GPC5: variants seen among roughly 807,000 people sequenced by gnomAD.
GPC5 encodes the protein glypican 5, also known as glypican-5.
GPC5 carries 47 observed loss-of-function variants against 53.9 expected under a neutral mutation model. The ratio of observed to expected loss-of-function variants is 0.87; its 90% CI spans 0.69 to 1.11. The LOEUF is 1.11. Ranked by LOEUF, GPC5 falls within the 50% of genes most tolerant of loss-of-function variation. The probability of loss-of-function intolerance (pLI) is 0.00; values close to 1 mark genes in which losing one functional copy is unlikely to be tolerated. For missense variants in GPC5, 748 were observed against 713.1 expected (o/e 1.05, Z -0.56); for synonymous variants, 286 against 263.3 (o/e 1.09, Z -0.84).
At chr13:92,436,476 T>C (rs1877309863) in intron 7 of GPC5, among the ~76,000 whole-genome samples, 1 of 152,142 alleles carries the variant, frequency 6.6e-6, no homozygotes, top group Non-Finnish European at 1.5e-5. Flanking sequence ...ATATGCAAAA[T>C]CTCAGCTCTT....
intron 7 of GPC5, among the ~76,000 whole-genome samples, chr13:92,174,384 A>AAT (rs2042093534): frequency 6.7e-6 from 1 of 149,618 alleles, no homozygotes; most frequent in African/African-American, 2.5e-5. Flanking sequence ...AAACAAAAAA[A>AAT]AATGGCCGGG....
chr13:92,312,738 A>C (rs1159138461), intron 7 of GPC5, among the ~76,000 whole-genome samples: 1 of 152,156 alleles, frequency 6.6e-6, no homozygotes, highest in East Asian at 1.9e-4. Flanking sequence ...CTGTGAGTGT[A>C]ATTTTATCTT....
intron 2 of GPC5, among the ~76,000 whole-genome samples, chr13:91,581,416 G>T (rs983850959): frequency 6.6e-6 from 1 of 152,090 alleles, no homozygotes; most frequent in Non-Finnish European, 1.5e-5. Flanking sequence ...ATCTGACTTT[G>T]TCCCCCAGTT....
chr13:91,882,413 C>T (rs565807394), intron 5 of GPC5, among the ~76,000 whole-genome samples: 2 of 152,002 alleles, frequency 1.3e-5, no homozygotes, highest in African/African-American at 2.4e-5. Flanking sequence ...TTAAATGTGA[C>T]ATTCATTTAG....
chr13:92,294,531 G>T (rs1037194600), intron 7 of GPC5, among the ~76,000 whole-genome samples: 2 of 152,092 alleles, frequency 1.3e-5, no homozygotes, highest in Non-Finnish European at 2.9e-5. Context: ...TATTTCTGTG[G>T]TGTCAGTTGT....
At chr13:91,609,881 T>G (rs1218962951) in intron 2 of GPC5, among the ~76,000 whole-genome samples, 2 of 152,206 alleles carry the variant, frequency 1.3e-5, no homozygotes, top group Non-Finnish European at 2.9e-5. Flanking sequence ...TATCAGTACA[T>G]TCGGCCTGAG....
Position 91,576,735 on chromosome 13 carries a change from G to A in GPC5, c.326-116452G>A, listed in dbSNP as rs538800172. Reference sequence around the variant, plus strand: ...TTCTGCCAGCAACTGTTATCTTAAAGGCATATGGCTAAGTCAGAATATCAC... The same window carrying A: ...TTCTGCCAGCAACTGTTATCTTAAAAGCATATGGCTAAGTCAGAATATCAC... On this transcript the variant is annotated intron_variant, in intron 2 of 7. Transcript: ENST00000377067. 6.6e-5 allele frequency among the ~76,000 whole-genome samples: 10 copies of A among 152,242 alleles called. No individual in the cohort carries two copies. In the East Asian group the frequency reaches 1.9e-3, roughly 29 times the overall value.
intron 5 of GPC5, among the ~76,000 whole-genome samples, chr13:91,764,980 T>C (rs1474059290): frequency 6.6e-6 from 1 of 152,240 alleles, no homozygotes; most frequent in African/African-American, 2.4e-5. Flanking sequence ...TGGTAATGTT[T>C]TGGCCTCTTT....
chr13:92,013,899 A>G (rs1420148068), intron 6 of GPC5, among the ~76,000 whole-genome samples: 1 of 152,204 alleles, frequency 6.6e-6, no homozygotes, highest in African/African-American at 2.4e-5. Context: ...TTAAAACATG[A>G]TATATGTATT....
intron 7 of GPC5, among the ~76,000 whole-genome samples, chr13:92,608,940 C>G (rs1262770284): frequency 6.6e-6 from 1 of 152,136 alleles, no homozygotes. Context: ...TCTGAATTCT[C>G]TTTGTCATGA....
chr13:92,144,725 A>T, intron 6 of GPC5, 105 bp from the exon 7 acceptor site: 1 of 1,080,650 alleles, frequency 9.3e-7, no homozygotes, highest in Non-Finnish European at 1.3e-6. Context: ...CTACACCAAA[A>T]GAGTGGATCC....
At chr13:91,500,751 A>C (rs7991059) in intron 2 of GPC5, among the ~76,000 whole-genome samples, 2 of 152,150 alleles carry the variant, frequency 1.3e-5, no homozygotes, top group African/African-American at 4.8e-5. Context: ...TGTATTACAG[A>C]CTGATATGGT....
At chr13:92,703,575 T>G (rs911181400) in intron 7 of GPC5, among the ~76,000 whole-genome samples, 1 of 150,388 alleles carries the variant, frequency 6.6e-6, no homozygotes, top group South Asian at 2.1e-4. Context: ...TAATATTATA[T>G]AAATTCATTA....
intron 3 of GPC5, among the ~76,000 whole-genome samples, chr13:91,709,207 T>C (rs1005278239): frequency 2.0e-5 from 3 of 152,214 alleles, no homozygotes; most frequent in Non-Finnish European, 2.9e-5. Flanking sequence ...CATGGCCACT[T>C]TAACCTCCCT....
At chr13:91,611,961 CGT>C (rs2033565490) in intron 2 of GPC5, among the ~76,000 whole-genome samples, 1 of 152,154 alleles carries the variant, frequency 6.6e-6, no homozygotes, top group African/African-American at 2.4e-5. Flanking sequence ...TCTTCTTCCG[CGT>C]TAATGGTTTC....
At chr13:92,858,975 C>T (rs1024515140) in intron 7 of GPC5, among the ~76,000 whole-genome samples, 3 of 152,128 alleles carry the variant, frequency 2.0e-5, no homozygotes. Flanking sequence ...GTGTGTGGCT[C>T]ACACCTATAA....
chr13:92,640,320 C>A (rs538416467), intron 7 of GPC5, among the ~76,000 whole-genome samples: 10 of 152,002 alleles, frequency 6.6e-5, no homozygotes, highest in Non-Finnish European at 1.5e-4. Context: ...AGTGTAGTGG[C>A]GCGATCTCGG....
chr13:92,245,024 C>T (rs868147339), intron 7 of GPC5, among the ~76,000 whole-genome samples: 9 of 134,872 alleles, frequency 6.7e-5, no homozygotes, highest in Admixed American at 2.3e-4. Flanking sequence ...GGTGACAAAG[C>T]GAGACTCCAT....
chr13:91,911,249 G>A (rs2039607164), intron 6 of GPC5, among the ~76,000 whole-genome samples: 1 of 152,104 alleles, frequency 6.6e-6, no homozygotes, highest in Admixed American at 6.6e-5. Context: ...TTTAAAAACT[G>A]TAAGCAGAAG....
Sources: allele counts gnomAD v4.1 joint callset (sites outside exome capture counted in the v4.1 genomes callset), GRCh38; gene constraint gnomAD v4.1.1; transcripts MANE v1.5; gene names NCBI Gene and HGNC (gene_info 2026-07-23, HGNC 2026-07-21).